PYM1: variants seen among roughly 807,000 people sequenced by gnomAD.
PYM1 encodes the protein partner of Y14 and mago.
PYM1 carries 7 observed loss-of-function variants against 20.7 expected under a neutral mutation model. The observed-to-expected ratio is 0.34, with a 90% CI of 0.19 to 0.64. The LOEUF (loss-of-function observed/expected upper bound fraction) is 0.64, where lower values mean the gene tolerates loss of function less well. Among genes scored for constraint, PYM1 ranks in the 30% least tolerant of loss-of-function variants. PYM1 has a pLI of 0.74. For missense variants in PYM1, 194 were observed against 250.0 expected, an observed-to-expected ratio of 0.78 and a Z score of 1.51; for synonymous variants, 100 against 99.2, an observed-to-expected ratio of 1.01 and a Z score of -0.05.
Position 55,901,781 on chromosome 12 carries a change from T to TACC in PYM1, c.*88_*90dup. ...GGTGGAAGTAAGCCAGTATGGGGGG[T>TACC]ACCCCTCCTGACTGCTGTTGCCCGT... On this transcript the variant is annotated 3_prime_UTR_variant, in exon 3 of 3. Coordinates refer to ENST00000408946, the MANE Select transcript of PYM1 (RefSeq NM_032345.3). 2 of 1,501,940 alleles carry TACC rather than the reference T, an allele frequency of 1.3e-6. No homozygotes were observed. Among genetic ancestry groups the TACC allele is most frequent in the Non-Finnish European group, 1.8e-6 (2 of 1,126,672 alleles). 93.0% of individuals were successfully genotyped at this position (1,501,940 alleles called of 1,614,324 possible).
chr12:55,908,786 A>G (rs1237428336), intron 1 of PYM1, among the ~76,000 whole-genome samples: 1 of 152,048 alleles, frequency 6.6e-6, no homozygotes, highest in African/African-American at 2.4e-5. Flanking sequence ...CAGGAGGCGG[A>G]GGCTGCAGTG....
At chr12:55,922,775 A>G (rs1313995842) in intron 1 of PYM1, among the ~76,000 whole-genome samples, 6 of 152,232 alleles carry the variant, frequency 3.9e-5, no homozygotes, top group Admixed American at 1.3e-4. Flanking sequence ...CAATAGAAGG[A>G]TATCCTACAA....
At chr12:55,905,971 A>G (rs1282641833) in intron 1 of PYM1, among the ~76,000 whole-genome samples, 1 of 128,356 alleles carries the variant, frequency 7.8e-6, no homozygotes, top group South Asian at 2.2e-4. Context: ...TAATAGATAT[A>G]TATATTATTA....
chr12:55,902,281 G>T lies in PYM1; in HGVS notation c.206C>A (p.Ala69Asp). 6.2e-7 allele frequency: 1 copy of T among 1,614,198 alleles called. No individual in the cohort carries two copies. Among genetic ancestry groups the T allele is most frequent in the Non-Finnish European group, 8.5e-7 (1 of 1,180,032 alleles). Residue 69 changes from alanine (A) to aspartate (D), a missense_variant, in exon 3 of 3, where the codon GCT becomes GAT. This residue lies in a region of PYM1 where 158 missense variants were observed against 179.0 expected (regional missense o/e 0.88). Transcript: ENST00000408946. Reference protein sequence around the residue: ...LPPGLSPEATAPVTPSRPEGG... With the variant: ...LPPGLSPEATDPVTPSRPEGG... Reference sequence around the variant, plus strand: ...TTCAGGCCTGGATGGGGTGACAGGAGCAGTGGCCTCAGGGCTTAGCCCTGG... The same window carrying T: ...TTCAGGCCTGGATGGGGTGACAGGATCAGTGGCCTCAGGGCTTAGCCCTGG...
intron 1 of PYM1, among the ~76,000 whole-genome samples, chr12:55,924,449 C>T (rs1883155074): frequency 6.6e-6 from 1 of 151,974 alleles, no homozygotes; most frequent in Non-Finnish European, 1.5e-5. Context: ...TCAAAACCAG[C>T]CTGGGCAACA....
chr12:55,910,458 T>G (rs1016231680), intron 1 of PYM1, among the ~76,000 whole-genome samples: 1 of 151,842 alleles, frequency 6.6e-6, no homozygotes, highest in African/African-American at 2.4e-5. Flanking sequence ...CTGTTTTTGT[T>G]TTTTGACACA....
chr12:55,919,502 G>A (rs1033125202), intron 1 of PYM1, among the ~76,000 whole-genome samples: 1 of 152,074 alleles, frequency 6.6e-6, no homozygotes, highest in African/African-American at 2.4e-5. Context: ...ATTACTAGGT[G>A]TTTCAAGGAT....
At position 55,903,466 on chromosome 12, in the gene PYM1, A is replaced by T; in HGVS notation, c.52T>A (p.Ser18Thr). The change falls in exon 2 of 3, where the codon TCA becomes ACA. Residue 18 changes from serine to threonine, a missense_variant. By Grantham distance (58) the Ser-to-Thr change is moderately conservative (BLOSUM62 1). This residue lies in a region of PYM1 where 17 missense variants were observed against 53.1 expected (regional missense o/e 0.32). Coordinates refer to ENST00000408946, the MANE Select transcript of PYM1 (RefSeq NM_032345.3). ...CAGGTCCCGTCAGGTCGCTGTGTTG[A>T]CGCGATATACTTGCCTAAAATAAGA... ...AATETGKYIA[S>T]TQRPDGTWRK... The T allele has an allele frequency of 6.2e-7, 1 of 1,613,870 alleles. No homozygotes were observed. Among genetic ancestry groups the T allele is most frequent in the Non-Finnish European group, 8.5e-7 (1 of 1,179,956 alleles).
At position 55,902,240 on chromosome 12, in the gene PYM1, G is replaced by C; in HGVS notation, c.247C>G (p.Leu83Val). 6.2e-7 allele frequency: 1 copy of C among 1,614,140 alleles called. No individual in the cohort carries two copies. Among genetic ancestry groups the C allele is most frequent in the Non-Finnish European group, 8.5e-7 (1 of 1,180,026 alleles). The change falls in exon 3 of 3, where the codon CTC (leucine) becomes GTC (valine). Residue 83 changes from leucine to valine, a missense_variant. This residue lies in a region of PYM1 where 158 missense variants were observed against 179.0 expected (regional missense o/e 0.88). Transcript: ENST00000408946. ...AGGTTACGTTTGGCTGTCTTGGAGAGGCCTGGTTCACCACCTTCAGGCCTG... is the reference window on the plus strand; with the variant it reads ...AGGTTACGTTTGGCTGTCTTGGAGACGCCTGGTTCACCACCTTCAGGCCTG... ...PSRPEGGEPG[L>V]SKTAKRNLKR...
intron 1 of PYM1, among the ~76,000 whole-genome samples, chr12:55,905,575 G>A (rs1882781131): frequency 6.7e-6 from 1 of 149,620 alleles, no homozygotes; most frequent in African/African-American, 2.5e-5. Flanking sequence ...GGTGGCAGGC[G>A]CCTGTAATCC....
At chr12:55,924,765 C>T (rs187326964) in intron 1 of PYM1, among the ~76,000 whole-genome samples, 1 of 152,330 alleles carries the variant, frequency 6.6e-6, no homozygotes, top group East Asian at 1.9e-4. Flanking sequence ...CAACCTCTGC[C>T]TCCTGGGTTC....
At chr12:55,910,287 A>ATATATAT (rs1177491764) in intron 1 of PYM1, among the ~76,000 whole-genome samples, 3 of 123,794 alleles carry the variant, frequency 2.4e-5, no homozygotes, top group East Asian at 2.3e-4. Context: ...ATATATATAT[A>ATATATAT]AAATTTTTTT....
chr12:55,922,463 A>AAAAAT (rs1883114195), intron 1 of PYM1, among the ~76,000 whole-genome samples: 1 of 151,184 alleles, frequency 6.6e-6, no homozygotes, highest in East Asian at 1.9e-4. Flanking sequence ...AAAAAAAAAA[A>AAAAAT]AAAATTAGCT....
rs1170653041 is a variant in PYM1, at chr12:55,927,737, C to T, written c.25G>A (p.Ala9Thr). The T allele has an allele frequency of 3.9e-6, 6 of 1,539,796 alleles. No individual in the cohort carries two copies. The highest frequency in any genetic ancestry group is 5.2e-6 in the Non-Finnish European group (6 of 1,146,626). The change falls in exon 1 of 3, where the codon GCT (alanine) becomes ACT (threonine). Residue 9 changes from alanine (A) to threonine (T), a missense_variant. Transcript: ENST00000408946. ...GCGGGTCGGTCACCTGTCTCCGTAGCCGCAGGGCTGCCGGCAGCTTCCATG... is the reference window on the plus strand; with the variant it reads ...GCGGGTCGGTCACCTGTCTCCGTAGTCGCAGGGCTGCCGGCAGCTTCCATG... The part of the protein sequence containing the change: MEAAGSPA[A>T]TETGKYIAST...
rs1484534202 is a variant in PYM1, at chr12:55,905,949, AT to A, written c.38-2470del. On this transcript the variant is annotated intron_variant, in intron 1 of 2. Transcript: ENST00000408946. Reference sequence around the variant, plus strand: ...TATATATCTAATAGATATATATATTATTATATATATCTAATAGATATATATA... The same window carrying A: ...TATATATCTAATAGATATATATATTATATATATATCTAATAGATATATATA... 4.3e-4 allele frequency among the ~76,000 whole-genome samples: 55 copies of A among 128,428 alleles called. 6 individuals are homozygous for A. Among genetic ancestry groups the A allele is most frequent in the African/African-American group, 1.8e-3 (55 of 30,740 alleles). The allele number at this position is 128,428 out of a possible 152,430, so 84.3% of individuals were successfully genotyped here.
intron 1 of PYM1, among the ~76,000 whole-genome samples, chr12:55,915,739 G>A (rs1489392668): frequency 6.6e-6 from 1 of 152,106 alleles, no homozygotes; most frequent in African/African-American, 2.4e-5. Context: ...CCTAAGAGAT[G>A]ACAGGAGATA....
chr12:55,919,493 T>C (rs967292934), intron 1 of PYM1, among the ~76,000 whole-genome samples: 5 of 152,186 alleles, frequency 3.3e-5, no homozygotes, highest in Admixed American at 2.6e-4. Flanking sequence ...TCTCAGAAGA[T>C]TACTAGGTGT....
Position 55,901,756 on chromosome 12 carries a change from G to A in PYM1, c.*116C>T. ...TGGAGGACAGAGCTGGGCCGCAGGAGGTGGAAGTAAGCCAGTATGGGGGGT... is the reference window on the plus strand; with the variant it reads ...TGGAGGACAGAGCTGGGCCGCAGGAAGTGGAAGTAAGCCAGTATGGGGGGT... On this transcript the variant is annotated 3_prime_UTR_variant, in exon 3 of 3. Transcript: ENST00000408946. The A allele has an allele frequency of 7.7e-7, 1 of 1,307,008 alleles. No individual in the cohort carries two copies. The highest frequency in any genetic ancestry group is 1.0e-6 in the Non-Finnish European group (1 of 990,188). The allele number at this position is 1,307,008 out of a possible 1,614,324, so 81.0% of individuals were successfully genotyped here.
chr12:55,914,329 A>T (rs1882971045), intron 1 of PYM1: 3 of 702,332 alleles, frequency 4.3e-6, no homozygotes, highest in Non-Finnish European at 5.2e-6. Context: ...TCCAAGGGTG[A>T]AGTCAAAAAG....
Sources: allele counts gnomAD v4.1 joint callset (sites outside exome capture counted in the v4.1 genomes callset), GRCh38; gene constraint gnomAD v4.1.1; regional missense constraint gnomAD v4.1.1; transcripts MANE v1.5; gene names NCBI Gene and HGNC (gene_info 2026-07-23, HGNC 2026-07-21).